The following U2SURP variants were observed in gnomAD, a reference collection of about 807,000 sequenced individuals.
U2SURP encodes the protein U2 snRNP associated SURP domain containing, also known as U2 snRNP-associated SURP motif-containing protein.
U2SURP carries 9 observed loss-of-function variants against 144.9 expected under a neutral mutation model. The ratio of observed to expected loss-of-function variants is 0.06; its 90% CI spans 0.04 to 0.11. The LOEUF is 0.11. Ranked by LOEUF, U2SURP falls within the 10% of genes least tolerant of loss-of-function variation. The probability of loss-of-function intolerance (pLI) is 1.00; values close to 1 mark genes in which losing one functional copy is unlikely to be tolerated. For synonymous variants in U2SURP, 408 were observed against 396.8 expected (o/e 1.03, Z -0.33); for missense variants, 724 against 1,226.7 (o/e 0.59, Z 6.12).
chr3:143,016,328 A>G lies in U2SURP; in HGVS notation c.393A>G (p.Lys131=). The G allele has an allele frequency of 6.2e-7, 1 of 1,613,352 alleles. No homozygotes were observed. Among genetic ancestry groups the G allele is most frequent in the South Asian group, 1.1e-5 (1 of 91,052 alleles). The change falls in exon 5 of 28, where the codon AAA becomes AAG. Residue 131 remains lysine, a synonymous_variant. Transcript: ENST00000473835. ...LAAFEGSDGN[K]VKTFVRGGVV... is the part of the protein sequence containing the mutation. ...CTTTTGAAGGAAGTGATGGTAATAA[A>G]GTGAAAACATTTGTGCGAGGGGGTG...
intron 24 of U2SURP, among the ~76,000 whole-genome samples, chr3:143,048,518 A>G (rs991809152): frequency 6.6e-6 from 1 of 152,186 alleles, no homozygotes; most frequent in Admixed American, 6.5e-5. Context: ...ATCTTTTTAA[A>G]TGCAGTCATG....
intron 16 of U2SURP, among the ~76,000 whole-genome samples, chr3:143,028,925 C>A (rs932848995): frequency 5.3e-5 from 8 of 152,120 alleles, no homozygotes; most frequent in African/African-American, 1.9e-4. Context: ...CAGATTCTTA[C>A]AGAAATTATT....
intron 24 of U2SURP, among the ~76,000 whole-genome samples, chr3:143,047,645 C>T (rs1934589135): frequency 2.0e-5 from 1 of 50,652 alleles, no homozygotes; most frequent in Non-Finnish European, 3.6e-5. Context: ...CTCCCGCCTC[C>T]CGGACGGGGC....
chr3:143,021,235 C>G (rs376272189), intron 8 of U2SURP, 115 bp from the exon 9 acceptor site: 8 of 1,169,074 alleles, frequency 6.8e-6, no homozygotes, highest in African/African-American at 3.1e-5. Context: ...AGTGGTCTCT[C>G]TTTTTGTCTC....
chr3:143,049,934 T>C (rs1934764657), intron 24 of U2SURP, among the ~76,000 whole-genome samples: 2 of 152,216 alleles, frequency 1.3e-5, no homozygotes, highest in East Asian at 1.9e-4. Flanking sequence ...TGTATTTGTT[T>C]GTGTGGAGGT....
At chr3:143,045,912 AGAACTCGGAGCTCAT>A (rs1553845965) in intron 24 of U2SURP, among the ~76,000 whole-genome samples, 1 of 152,254 alleles carries the variant, frequency 6.6e-6, no homozygotes, top group Non-Finnish European at 1.5e-5. Context: ...AACTTGGACT[AGAACTCGGAGCTCAT>A]GAGCTTTATC....
At chr3:143,041,966 G>T (rs540961646) in intron 23 of U2SURP, among the ~76,000 whole-genome samples, 1 of 143,488 alleles carries the variant, frequency 7.0e-6, no homozygotes, top group South Asian at 2.1e-4. Context: ...TTTGCCAATA[G>T]TATACACACA....
chr3:143,022,269 G>C (rs1477894293), intron 10 of U2SURP, among the ~76,000 whole-genome samples: 2 of 152,118 alleles, frequency 1.3e-5, no homozygotes, highest in Non-Finnish European at 2.9e-5. Flanking sequence ...TTCATCCACT[G>C]AACTTCCCCA....
intron 24 of U2SURP, among the ~76,000 whole-genome samples, chr3:143,045,228 G>A (rs1934363783): frequency 6.6e-6 from 1 of 152,038 alleles, no homozygotes; most frequent in African/African-American, 2.4e-5. Context: ...AATTAGCCGG[G>A]CATGGTGACG....
chr3:143,051,123 C>G (rs1934832734), intron 25 of U2SURP, 74 bp downstream of exon 25: 3 of 841,984 alleles, frequency 3.6e-6, no homozygotes, highest in Non-Finnish European at 5.5e-6. Flanking sequence ...ACTGGTATAC[C>G]TAAAGATGAT....
chr3:143,004,953 TA>T (rs1935758486), intron 1 of U2SURP, among the ~76,000 whole-genome samples: 1 of 152,142 alleles, frequency 6.6e-6, no homozygotes, highest in South Asian at 2.1e-4. Flanking sequence ...ATAAAATTGT[TA>T]AGCATATTTC....
chr3:143,047,079 G>T (rs1444280249), intron 24 of U2SURP, among the ~76,000 whole-genome samples: 1 of 118,906 alleles, frequency 8.4e-6, no homozygotes, highest in East Asian at 2.8e-4. Context: ...TGACGGGGCG[G>T]CTGGCCGGGC....
chr3:143,006,359 T>A (rs1476424440), intron 1 of U2SURP, among the ~76,000 whole-genome samples: 1 of 152,184 alleles, frequency 6.6e-6, no homozygotes, highest in Non-Finnish European at 1.5e-5. Flanking sequence ...GTAATTTTGT[T>A]TGGTGGTAGG....
rs145300945 is a variant in U2SURP at position 143,023,225 on chromosome 3, C to G, written c.1230+161C>G. The G allele has an allele frequency of 8.0e-5, 47 of 589,858 alleles. No individual in the cohort carries two copies. In the African/African-American group the frequency reaches 8.5e-4, roughly 11 times the overall value. The allele number at this position is 589,858 out of a possible 1,614,324, so 36.5% of individuals were successfully genotyped here. A position where few individuals can be genotyped will look rare whatever the true frequency, so the allele number is the denominator to read the frequency against. On this transcript the variant is annotated intron_variant, in intron 12 of 27. Coordinates refer to ENST00000473835, the MANE Select transcript of U2SURP (RefSeq NM_001080415.2). ...TTCCCTGCCTTAGCCCATGGAAACC[C>G]TATATTTGAAATACTAGGTCATATT...
At chr3:143,021,246 T>G in intron 8 of U2SURP, 104 bp from the exon 9 acceptor site, 1 of 1,284,246 alleles carries the variant, frequency 7.8e-7, no homozygotes, top group Non-Finnish European at 1.1e-6. Context: ...TTTTTGTCTC[T>G]CAGAAATACC....
rs557789269 is a variant in U2SURP at position 143,047,710 on chromosome 3, C to T, written c.2545-3229C>T. 5.7e-3 allele frequency among the ~76,000 whole-genome samples: 360 copies of T among 63,682 alleles called. 16 individuals carry two copies. Among genetic ancestry groups the T allele is most frequent in the Middle Eastern group, 0.046 (6 of 130 alleles). The allele number at this position is 63,682 out of a possible 152,430, so 41.8% of individuals were successfully genotyped here. ...CCCAGTAGGGGCGGCCGGGCAGAGG[C>T]GCCCCTCACCTCCCGGACTGGGCGG... On this transcript the variant is annotated intron_variant, in intron 24 of 27. Transcript: ENST00000473835.
intron 5 of U2SURP, 115 bp from the exon 6 acceptor site, chr3:143,016,727 A>G: frequency 2.3e-6 from 2 of 876,806 alleles, no homozygotes; most frequent in South Asian, 2.3e-5. Flanking sequence ...ATATTTGTTA[A>G]TAGTGATACA....
chr3:143,053,910 G>A (rs1935015489), intron 26 of U2SURP, 116 bp downstream of exon 26: 7 of 878,760 alleles, frequency 8.0e-6, no homozygotes, highest in Non-Finnish European at 1.2e-5. Flanking sequence ...TGATAAACTT[G>A]TTTGGGTCCT....
intron 24 of U2SURP, among the ~76,000 whole-genome samples, chr3:143,044,822 CTT>C (rs924098171): frequency 5.3e-5 from 8 of 152,180 alleles, no homozygotes; most frequent in African/African-American, 1.9e-4. Flanking sequence ...TTGCCCACCT[CTT>C]TGTCAGACAT....
Sources: gnomAD v4.1 joint callset for allele counts (sites outside exome capture counted in the v4.1 genomes callset) on GRCh38, gnomAD v4.1.1 for gene constraint, MANE v1.5 for transcripts, NCBI Gene and HGNC (gene_info 2026-07-23, HGNC 2026-07-21) for gene names.